Variants in IMPG1 observed in about 807,000 individuals in gnomAD.
IMPG1 encodes interphotoreceptor matrix proteoglycan 1.
In IMPG1, 85 loss-of-function variants were observed where a neutral mutation model predicts 92.0. That is an observed-to-expected ratio of 0.92 (90% CI 0.78 to 1.11). The LOEUF is 1.11. Among genes scored for constraint, IMPG1 ranks in the 50% least tolerant of loss-of-function variants. The pLI is 0.00. For missense variants in IMPG1, 1,022 were observed against 956.0 expected (o/e 1.07, Z -0.91); for synonymous variants, 367 against 334.1 (o/e 1.10, Z -1.08).
intron 1 of IMPG1, among the ~76,000 whole-genome samples, chr6:76,055,415 T>C (rs1231341880): frequency 6.6e-6 from 1 of 151,960 alleles, no homozygotes; most frequent in African/African-American, 2.4e-5. Context: ...CAGTTCCTAA[T>C]GGTAAAATGA....
Position 76,005,392 on chromosome 6 carries a change from T to C in IMPG1, c.1030A>G (p.Lys344Glu). ...EVYHGTMEEDKQPEIYLTATD... is the reference protein window; with the variant it reads ...EVYHGTMEEDEQPEIYLTATD... ...GCTGTGAGATAGATTTCTGGTTGCT[T>C]GTCCTCCTCCATGGTTCCATGATAG... The change falls in exon 10 of 17, where the codon AAG becomes GAG. Residue 344 changes from lysine (K) to glutamate (E), a missense_variant. This residue lies in a region of IMPG1 where 681 missense variants were observed against 583.6 expected (regional missense o/e 1.17). Transcript: ENST00000369950. 1 of 1,614,102 alleles carries C rather than the reference T, an allele frequency of 6.2e-7. No individual in the cohort carries two copies. The highest frequency in any genetic ancestry group is 8.5e-7 in the Non-Finnish European group (1 of 1,179,974).
At chr6:76,013,720 G>T (rs1783232137) in intron 7 of IMPG1, among the ~76,000 whole-genome samples, 1 of 151,880 alleles carries the variant, frequency 6.6e-6, no homozygotes, top group African/African-American at 2.4e-5. Flanking sequence ...AGCACATTTT[G>T]TTTAATTCAG....
At chr6:76,032,446 A>G (rs1783667755) in intron 4 of IMPG1, among the ~76,000 whole-genome samples, 1 of 152,198 alleles carries the variant, frequency 6.6e-6, no homozygotes, top group African/African-American at 2.4e-5. Flanking sequence ...TCCTGGCAAT[A>G]TCTTTTTAAA....
At chr6:75,991,468 G>A (rs1413123771) in intron 12 of IMPG1, among the ~76,000 whole-genome samples, 1 of 151,780 alleles carries the variant, frequency 6.6e-6, no homozygotes, top group African/African-American at 2.4e-5. Flanking sequence ...CCTCATTTGA[G>A]TCCAGATAAG....
chr6:76,070,052 T>C (rs1335751091), intron 1 of IMPG1, among the ~76,000 whole-genome samples: 3 of 152,190 alleles, frequency 2.0e-5, no homozygotes, highest in Non-Finnish European at 4.4e-5. Context: ...ACCTGCATGA[T>C]GGGGTCAATT....
intron 12 of IMPG1, among the ~76,000 whole-genome samples, chr6:75,982,606 T>C: frequency 6.7e-6 from 1 of 148,894 alleles, no homozygotes; most frequent in East Asian, 1.9e-4. Flanking sequence ...TGTGTGTGTA[T>C]ATATATATGT....
intron 7 of IMPG1, among the ~76,000 whole-genome samples, chr6:76,015,272 G>A (rs1258462022): frequency 6.6e-6 from 1 of 152,206 alleles, no homozygotes; most frequent in Non-Finnish European, 1.5e-5. Flanking sequence ...TGCTAATGCA[G>A]GCATTGGGCT....
At chr6:76,035,458 C>T (rs1220553646) in intron 2 of IMPG1, among the ~76,000 whole-genome samples, 1 of 144,754 alleles carries the variant, frequency 6.9e-6, no homozygotes, top group East Asian at 2.0e-4. Context: ...GAGATCGCGC[C>T]ATTGCACTCC....
intron 4 of IMPG1, among the ~76,000 whole-genome samples, chr6:76,026,902 C>T (rs1195660447): frequency 6.6e-6 from 1 of 152,110 alleles, no homozygotes; most frequent in African/African-American, 2.4e-5. Flanking sequence ...AAGACTTTGC[C>T]TTATGGAATG....
At chr6:75,961,814 A>G (rs1454888727) in intron 12 of IMPG1, among the ~76,000 whole-genome samples, 5 of 152,206 alleles carry the variant, frequency 3.3e-5, no homozygotes, top group Non-Finnish European at 1.5e-5. Context: ...TATACTATCA[A>G]TCAAGTGTCA....
At chr6:76,040,008 A>G (rs1582123830) in intron 2 of IMPG1, among the ~76,000 whole-genome samples, 1 of 152,238 alleles carries the variant, frequency 6.6e-6, no homozygotes, top group East Asian at 1.9e-4. Flanking sequence ...CAACAAGAAC[A>G]GTAAGTGGGT....
rs1417206749 is a variant in IMPG1 at position 76,041,937 on chromosome 6, A to T, written c.257T>A (p.Met86Lys). Residue 86 changes from methionine (M) to lysine (K), a missense_variant, in exon 2 of 17, where the codon ATG (methionine) becomes AAG (lysine). Met to Lys is a moderately conservative substitution (Grantham distance 95). Transcript: ENST00000369950. Reference sequence around the variant, plus strand: ...TTGAAGACTGTCTAAAATCTGTTTCATGGATTCCTGTGGACAGACTTTAAC... The same window carrying T: ...TTGAAGACTGTCTAAAATCTGTTTCTTGGATTCCTGTGGACAGACTTTAAC... The part of the protein sequence containing the change: ...TGVKVCPQES[M>K]KQILDSLQAY... The T allele has an allele frequency of 2.5e-6, 4 of 1,613,756 alleles. No homozygotes were observed. The highest frequency in any genetic ancestry group is 3.4e-6 in the Non-Finnish European group (4 of 1,179,784).
At chr6:75,974,330 C>CCTCT (rs1426856034) in intron 12 of IMPG1, among the ~76,000 whole-genome samples, 16 of 98,212 alleles carry the variant, frequency 1.6e-4, no homozygotes, top group African/African-American at 5.0e-4. Flanking sequence ...TCTTTCTTTC[C>CCTCT]CTTTCTTTCT....
chr6:76,008,010 A>G (rs776299740), intron 8 of IMPG1, among the ~76,000 whole-genome samples: 2 of 152,230 alleles, frequency 1.3e-5, no homozygotes, highest in Non-Finnish European at 2.9e-5. Flanking sequence ...AATTGTTGCT[A>G]TCAGTAAGCT....
intron 1 of IMPG1, among the ~76,000 whole-genome samples, chr6:76,065,428 A>T (rs995277923): frequency 6.6e-6 from 1 of 152,156 alleles, no homozygotes; most frequent in Non-Finnish European, 1.5e-5. Context: ...AAATTCATTG[A>T]AGGAATTACA....
chr6:75,944,400 A>C (rs889745021), intron 14 of IMPG1, among the ~76,000 whole-genome samples: 1 of 152,246 alleles, frequency 6.6e-6, no homozygotes, highest in East Asian at 1.9e-4. Context: ...AGATGAATCC[A>C]TACAGTTCAT....
chr6:75,935,390 G>A (rs990236199), intron 14 of IMPG1, among the ~76,000 whole-genome samples: 1 of 152,252 alleles, frequency 6.6e-6, no homozygotes, highest in African/African-American at 2.4e-5. Flanking sequence ...GAATCCAAAC[G>A]CTTCCCGCGC....
chr6:75,951,131 T>A, intron 12 of IMPG1, 37 bp from the exon 13 acceptor site: 3 of 1,471,392 alleles, frequency 2.0e-6, no homozygotes, highest in Non-Finnish European at 2.8e-6. Context: ...GTCCAAGTAT[T>A]CCCCAAAGAA....
In IMPG1 at chr6:75,926,036, C is replaced by G. The variant is rs143458837; in HGVS notation, c.2244-2330G>C. Among the ~76,000 whole-genome samples the G allele has an allele frequency of 3.6e-3, 544 of 152,264 alleles. 3 individuals are homozygous for G. The highest frequency in any genetic ancestry group is 5.7e-3 in the Non-Finnish European group (391 of 68,020). ...TTCCCCATCCCACCACCTAAGGCAG[C>G]ATTTTCGGTTCCTATTTGTCCTGGT... On this transcript the variant is annotated intron_variant, in intron 15 of 16. Transcript: ENST00000369950.
Sources: allele counts gnomAD v4.1 joint callset (sites outside exome capture counted in the v4.1 genomes callset), GRCh38; gene constraint gnomAD v4.1.1; regional missense constraint gnomAD v4.1.1; transcripts MANE v1.5; gene names NCBI Gene and HGNC (gene_info 2026-07-23, HGNC 2026-07-21).